Variants in HOXC4 observed in about 807,000 individuals in gnomAD.
HOXC4 encodes the protein homeobox protein Hox-C4.
A neutral mutation model predicts 25.5 loss-of-function variants in HOXC4; 15 were observed. That is an observed-to-expected ratio of 0.59 (90% CI 0.39 to 0.91). HOXC4 has a LOEUF of 0.91. Ranked by LOEUF, HOXC4 falls within the 40% of genes least tolerant of loss-of-function variation. The pLI is 0.00. For missense variants in HOXC4, 342 were observed against 352.4 expected (o/e 0.97, Z 0.24); for synonymous variants, 165 against 148.0 (o/e 1.11, Z -0.83).
intron 1 of HOXC4, among the ~76,000 whole-genome samples, chr12:54,042,856 G>T (rs1475953391): frequency 2.0e-5 from 3 of 152,188 alleles, no homozygotes; most frequent in Admixed American, 6.5e-5. Flanking sequence ...TGGTGTGTCT[G>T]TACTGATACT....
intron 1 of HOXC4, chr12:54,022,231 T>C (rs185176708): frequency 2.0e-5 from 3 of 152,270 alleles, no homozygotes; most frequent in African/African-American, 7.2e-5. Context: ...TGTTGGGTTT[T>C]AAATCAGGGT....
chr12:54,033,526 C>A, intron 1 of HOXC4: 1 of 1,561,096 alleles, frequency 6.4e-7, no homozygotes, highest in Non-Finnish European at 8.6e-7. Context: ...AGCCAGCCAC[C>A]GGCCCCGCCA....
chr12:54,032,447 C>T (rs1032344355), intron 1 of HOXC4, among the ~76,000 whole-genome samples: 2 of 152,234 alleles, frequency 1.3e-5, no homozygotes, highest in Admixed American at 1.3e-4. Flanking sequence ...GTTTAGGGAA[C>T]CTAAGTTAAA....
chr12:54,034,083 A>C (rs1442025430), intron 1 of HOXC4: 7 of 714,998 alleles, frequency 9.8e-6, no homozygotes, highest in Non-Finnish European at 1.3e-5. Flanking sequence ...GCTGCGGTGG[A>C]AAGTTTCCTG....
At chr12:54,028,647 G>A (rs1378028513) in intron 1 of HOXC4, 10 of 1,614,010 alleles carry the variant, frequency 6.2e-6, no homozygotes, top group Admixed American at 1.7e-5. Context: ...CCTATGGAGC[G>A]GCCGTTGCCC....
upstream of HOXC4, among the ~76,000 whole-genome samples, chr12:54,050,785 A>G (rs759728265): frequency 1.3e-5 from 2 of 152,218 alleles, no homozygotes; most frequent in Non-Finnish European, 2.9e-5. Flanking sequence ...TGGAGATTTC[A>G]CTTTCTGGAT....
upstream of HOXC4, among the ~76,000 whole-genome samples, chr12:54,052,580 G>A (rs1469279432): frequency 3.4e-5 from 5 of 145,166 alleles, no homozygotes; most frequent in African/African-American, 1.4e-4. Flanking sequence ...GGGGGGGGGG[G>A]GTGGTGGTTA....
Position 54,034,243 on chromosome 12 carries a change from C to T in HOXC4, c.-124+16829C>T, listed in dbSNP as rs373018281. On this transcript the variant is annotated intron_variant, in intron 1 of 3. Transcript: ENST00000303406. Reference sequence around the variant, plus strand: ...ACGGGGGAACGCTGCAAGCTATTCACCCCTTCCTGGCTTGGGGTGGGGTTT... The same window carrying T: ...ACGGGGGAACGCTGCAAGCTATTCATCCCTTCCTGGCTTGGGGTGGGGTTT... 2.0e-4 allele frequency: 320 copies of T among 1,574,456 alleles called. 3 individuals are homozygous for T. The highest frequency in any genetic ancestry group is 2.7e-4 in the Non-Finnish European group (310 of 1,147,738).
chr12:54,033,619 GT>G (rs1209028587), intron 1 of HOXC4: 28 of 1,447,762 alleles, frequency 1.9e-5, no homozygotes, highest in Non-Finnish European at 2.6e-5. Flanking sequence ...GTCCGCCTGG[GT>G]TTTATAGGCC....
intron 1 of HOXC4, among the ~76,000 whole-genome samples, chr12:54,025,374 G>A (rs1276660361): frequency 1.3e-5 from 2 of 152,100 alleles, no homozygotes; most frequent in Non-Finnish European, 2.9e-5. Context: ...CATGAAATGG[G>A]AAAAAGAAAA....
At chr12:54,051,646 G>C (rs1027277954), upstream of HOXC4, among the ~76,000 whole-genome samples, 25 of 152,336 alleles carry the variant, frequency 1.6e-4, no homozygotes, top group African/African-American at 5.1e-4. Flanking sequence ...CACCTGGCCT[G>C]GTTACAGTGG....
rs573719745 is a variant in HOXC4, at chr12:54,055,666, T to C, written c.*461T>C. On this transcript the variant is annotated 3_prime_UTR_variant, in exon 2 of 2. Coordinates refer to ENST00000430889, the MANE Select transcript of HOXC4 (RefSeq NM_153633.3). ...CCCCTCTTTCCTTAGGCCTTTTGCATTGAAAATGCACCAGGGGAGGTTAGT... is the reference window on the plus strand; with the variant it reads ...CCCCTCTTTCCTTAGGCCTTTTGCACTGAAAATGCACCAGGGGAGGTTAGT... 10 of 152,632 alleles carry C rather than the reference T, an allele frequency of 6.6e-5. No homozygotes were observed. The highest frequency in any genetic ancestry group is 2.4e-4 in the African/African-American group (10 of 41,494). 9.5% of individuals were successfully genotyped at this position (152,632 alleles called of 1,614,324 possible).
chr12:54,037,643 G>T (rs1229523896), intron 1 of HOXC4, among the ~76,000 whole-genome samples: 1 of 152,264 alleles, frequency 6.6e-6, no homozygotes, highest in Non-Finnish European at 1.5e-5. Context: ...CCTGCAAGGG[G>T]GATGTGGGGG....
At chr12:54,038,036 C>T (rs1213807872) in intron 1 of HOXC4, 1 of 152,178 alleles carries the variant, frequency 6.6e-6, no homozygotes, top group Non-Finnish European at 1.5e-5. Flanking sequence ...CTCTCTTTCT[C>T]TCTCTCAGAC....
In HOXC4 at chr12:54,055,063, C is replaced by T. The variant is rs899155158; in HGVS notation, c.653C>T (p.Pro218Leu). Reference sequence around the variant, plus strand: ...AAATGGAAGAAGGACCACCGACTCCCCAACACCAAAGTCAGGTCAGCACCC... The same window carrying T: ...AAATGGAAGAAGGACCACCGACTCCTCAACACCAAAGTCAGGTCAGCACCC... Reference protein sequence around the residue: ...RMKWKKDHRLPNTKVRSAPPA... With the variant: ...RMKWKKDHRLLNTKVRSAPPA... Residue 218 changes from proline (P) to leucine (L), a missense_variant, in exon 2 of 2, where the codon CCC becomes CTC. Transcript: ENST00000430889. 1 of 1,613,684 alleles carries T rather than the reference C, an allele frequency of 6.2e-7. No homozygotes were observed. Among genetic ancestry groups the T allele is most frequent in the Admixed American group, 1.7e-5 (1 of 59,958 alleles).
intron 1 of HOXC4, among the ~76,000 whole-genome samples, chr12:54,026,045 T>A (rs1940680870): frequency 6.6e-6 from 1 of 152,216 alleles, no homozygotes; most frequent in Non-Finnish European, 1.5e-5. Flanking sequence ...CAATTTGTTG[T>A]ACATTGCAAC....
chr12:54,055,201 T>A lies in HOXC4; in HGVS notation c.791T>A (p.Leu264Ter). Residue 264 changes from leucine (L) to a stop codon, truncating the protein, a stop_gained, in exon 2 of 2, where the codon TTA becomes TAA. Transcript: ENST00000430889. LOFTEE classifies it high-confidence loss of function. ...CAACGGGCAGAGGACATTACCAGGT[T>A]ATAAAACATAACTCACACCCCTGCC... is the stretch of plus-strand genomic sequence containing the variant. The part of the protein sequence containing the change: ...EQQRAEDITR[L>*] 1 of 1,578,952 alleles carries A rather than the reference T, an allele frequency of 6.3e-7. No homozygotes were observed.
chr12:54,044,479 T>TA (rs1937650359), intron 1 of HOXC4, among the ~76,000 whole-genome samples: 1 of 152,178 alleles, frequency 6.6e-6, no homozygotes, highest in Non-Finnish European at 1.5e-5. Context: ...TGGCTGTAGA[T>TA]ATCAGGACTC....
chr12:54,034,582 C>T, intron 1 of HOXC4: 2 of 1,126,876 alleles, frequency 1.8e-6, no homozygotes, highest in South Asian at 1.4e-5. Context: ...TATTTCGGGT[C>T]GGGGGCAGGT....
Sources: allele counts gnomAD v4.1 joint callset (sites outside exome capture counted in the v4.1 genomes callset), GRCh38; gene constraint gnomAD v4.1.1; transcripts MANE v1.5; gene names NCBI Gene and HGNC (gene_info 2026-07-23, HGNC 2026-07-21).